UGT1A5: variants seen among roughly 807,000 people sequenced by gnomAD.
The protein encoded by UGT1A5 is UDP glucuronosyltransferase family 1 member A5.
A neutral mutation model predicts 40.3 loss-of-function variants in UGT1A5; 29 were observed. The observed-to-expected ratio is 0.72, with a 90% CI of 0.54 to 0.98. The LOEUF (loss-of-function observed/expected upper bound fraction) is 0.98. UGT1A5 is among the 50% of genes least tolerant of loss of function. The pLI is 0.00. For missense variants in UGT1A5, 678 were observed against 677.9 expected (o/e 1.00, Z 0.00); for synonymous variants, 257 against 262.5 (o/e 0.98, Z 0.20).
Position 233,743,419 on chromosome 2 carries a change from G to A in UGT1A5, c.868-23615G>A, listed in dbSNP as rs577178509. The A allele has an allele frequency of 1.8e-5, 24 of 1,337,466 alleles. No individual in the cohort carries two copies. In the East Asian group the frequency reaches 1.2e-3, roughly 65 times the overall value. The allele number at this position is 1,337,466 out of a possible 1,614,324, so 82.8% of individuals were successfully genotyped here. On this transcript the variant is annotated intron_variant, in intron 1 of 4. Transcript: ENST00000373414. ...GGAAGAAAGGCCCCCACTTCCCAGG[G>A]AGCCAAAGGAACGAAATCCTGTATC... is the stretch of plus-strand genomic sequence containing the variant.
At chr2:233,771,815 C>T in intron 4 of UGT1A5, among the ~76,000 whole-genome samples, 1 of 135,588 alleles carries the variant, frequency 7.4e-6, no homozygotes, top group Admixed American at 7.6e-5. Flanking sequence ...TTCCTCCTTT[C>T]CTTGCTTCCT....
At chr2:233,714,230 T>C (rs2076374680) in intron 1 of UGT1A5, among the ~76,000 whole-genome samples, 1 of 152,196 alleles carries the variant, frequency 6.6e-6, no homozygotes, top group Non-Finnish European at 1.5e-5. Context: ...GGCAAGATTT[T>C]CAGTAGAAAG....
chr2:233,760,254 G>C (rs1697373006), intron 1 of UGT1A5: 2 of 1,610,464 alleles, frequency 1.2e-6, no homozygotes, highest in South Asian at 2.2e-5. Flanking sequence ...ATATAAGTAG[G>C]AGAGGGCGAA....
intron 1 of UGT1A5, among the ~76,000 whole-genome samples, chr2:233,733,657 G>A (rs1194673085): frequency 2.0e-5 from 3 of 152,158 alleles, no homozygotes; most frequent in South Asian, 2.1e-4. Context: ...GGATGAAGCC[G>A]ACTTGATCGA....
chr2:233,734,422 T>C (rs1373952853), intron 1 of UGT1A5, among the ~76,000 whole-genome samples: 3 of 152,176 alleles, frequency 2.0e-5, no homozygotes, highest in Non-Finnish European at 4.4e-5. Context: ...TCTTTTCTTC[T>C]TTATTAGTCT....
In UGT1A5 at chr2:233,767,139, G is replaced by C; in HGVS notation, c.973G>C (p.Asp325His). Residue 325 changes from aspartate to histidine, a missense_variant, in exon 2 of 5, where the codon GAT becomes CAT. Asp to His is a moderately conservative substitution (Grantham distance 81). Transcript: ENST00000373414. Reference protein sequence around the residue: ...IPEKKAMAIADALGKIPQTVL... With the variant: ...IPEKKAMAIAHALGKIPQTVL... Reference sequence around the variant, plus strand: ...AGAGAAGAAAGCTATGGCAATTGCTGATGCTTTGGGCAAAATCCCTCAGAC... The same window carrying C: ...AGAGAAGAAAGCTATGGCAATTGCTCATGCTTTGGGCAAAATCCCTCAGAC... 6.2e-7 allele frequency: 1 copy of C among 1,614,104 alleles called. No individual in the cohort carries two copies. The highest frequency in any genetic ancestry group is 1.7e-4 in the Middle Eastern group (1 of 6,060).
rs1228937957 is a variant in UGT1A5 at position 233,725,058 on chromosome 2, G to C, written c.867+11200G>C. Reference sequence around the variant, plus strand: ...CAAAACCAGTCAGGCGTGGCGGCGCGCGCCTGCAATCGCAGGCACTCGGCA... The same window carrying C: ...CAAAACCAGTCAGGCGTGGCGGCGCCCGCCTGCAATCGCAGGCACTCGGCA... On this transcript the variant is annotated intron_variant, in intron 1 of 4. Coordinates refer to ENST00000373414, the MANE Select transcript of UGT1A5 (RefSeq NM_019078.2). Among the ~76,000 whole-genome samples the C allele has an allele frequency of 2.0e-5, 3 of 147,402 alleles. 1 individual carries two copies. The highest frequency in any genetic ancestry group is 5.1e-5 in the African/African-American group (2 of 39,480).
At chr2:233,760,269 T>C (rs1697378310) in intron 1 of UGT1A5, 1 of 1,612,212 alleles carries the variant, frequency 6.2e-7, no homozygotes, top group Admixed American at 1.7e-5. Flanking sequence ...GGCGAACCTC[T>C]GGCAGGAGCA....
rs189112981 is a variant in UGT1A5, at chr2:233,747,187, A to C, written c.868-19847A>C. 2.8e-4 allele frequency: 449 copies of C among 1,603,370 alleles called. 14 individuals carry two copies. The African/African-American group carries it at 5.5e-3, about 19-fold the overall frequency. On this transcript the variant is annotated intron_variant, in intron 1 of 4. Coordinates refer to ENST00000373414, the MANE Select transcript of UGT1A5 (RefSeq NM_019078.2). ...GTAGGAGGCACAGCGTGGGGTGGACAGTCAGCTGTCCGTGTCTTCTGCTGA... is the reference window on the plus strand; with the variant it reads ...GTAGGAGGCACAGCGTGGGGTGGACCGTCAGCTGTCCGTGTCTTCTGCTGA...
At chr2:233,764,352 G>A (rs1698541814) in intron 1 of UGT1A5, among the ~76,000 whole-genome samples, 1 of 152,214 alleles carries the variant, frequency 6.6e-6, no homozygotes, top group Admixed American at 6.5e-5. Context: ...CCTTTATTGA[G>A]CCTCATAGTA....
At chr2:233,719,651 G>A (rs776482882) in intron 1 of UGT1A5, 1 of 1,614,068 alleles carries the variant, frequency 6.2e-7, no homozygotes, top group Non-Finnish European at 8.5e-7. Flanking sequence ...TCTTCATTGG[G>A]GGCATCAACT....
intron 2 of UGT1A5, among the ~76,000 whole-genome samples, chr2:233,767,607 T>A (rs990795456): frequency 1.3e-5 from 2 of 152,144 alleles, no homozygotes; most frequent in African/African-American, 4.8e-5. Flanking sequence ...AGTGAAAAAA[T>A]CCTAAGTGCA....
rs1294675830 is a variant in UGT1A5 at position 233,743,947 on chromosome 2, T to C, written c.868-23087T>C. The C allele has an allele frequency of 8.9e-6, 12 of 1,348,380 alleles. No individual in the cohort carries two copies. In the Admixed American group the frequency reaches 2.3e-4, roughly 26 times the overall value. The allele number at this position is 1,348,380 out of a possible 1,614,324, so 83.5% of individuals were successfully genotyped here. A position where few individuals can be genotyped will look rare whatever the true frequency, so the allele number is the denominator to read the frequency against. Reference sequence around the variant, plus strand: ...ATGGCCAGAACGGCCCACCAGGCACTGGCACAGCGAGCGGCAAGGCTGCCA... The same window carrying C: ...ATGGCCAGAACGGCCCACCAGGCACCGGCACAGCGAGCGGCAAGGCTGCCA... On this transcript the variant is annotated intron_variant, in intron 1 of 4. Coordinates refer to ENST00000373414, the MANE Select transcript of UGT1A5 (RefSeq NM_019078.2).
At chr2:233,765,423 G>T (rs181881481) in intron 1 of UGT1A5, among the ~76,000 whole-genome samples, 1 of 152,168 alleles carries the variant, frequency 6.6e-6, no homozygotes, top group South Asian at 2.1e-4. Context: ...ATACTATGCA[G>T]CCATAACAAG....
At chr2:233,747,496 G>A in intron 1 of UGT1A5, 1 of 1,608,732 alleles carries the variant, frequency 6.2e-7, no homozygotes, top group Non-Finnish European at 8.5e-7. Context: ...CTTGTGCTGG[G>A]CCACACTCAA....
chr2:233,727,434 G>A (rs2077616452), intron 1 of UGT1A5, among the ~76,000 whole-genome samples: 1 of 152,122 alleles, frequency 6.6e-6, no homozygotes, highest in African/African-American at 2.4e-5. Context: ...TCCCAGACAT[G>A]TGACAAGAAA....
chr2:233,742,421 C>T (rs114948883), intron 1 of UGT1A5, among the ~76,000 whole-genome samples: 5,160 of 152,060 alleles, frequency 0.034, 167 homozygotes, highest in African/African-American at 0.052. Context: ...ACACCTTAAG[C>T]GGTTTTCCTC....
chr2:233,747,611 T>C (rs529621956), intron 1 of UGT1A5: 1 of 1,574,810 alleles, frequency 6.3e-7, no homozygotes, highest in African/African-American at 1.4e-5. Flanking sequence ...AGCTACTGCA[T>C]AATGAGGCCC....
chr2:233,730,746 G>A (rs1030553021), intron 1 of UGT1A5, among the ~76,000 whole-genome samples: 3 of 152,110 alleles, frequency 2.0e-5, no homozygotes, highest in Non-Finnish European at 2.9e-5. Context: ...GGCTAGGGAG[G>A]AGATAAGACT....
Sources: gnomAD v4.1 joint callset for allele counts (sites outside exome capture counted in the v4.1 genomes callset) on GRCh38, gnomAD v4.1.1 for gene constraint, MANE v1.5 for transcripts, NCBI Gene and HGNC (gene_info 2026-07-23, HGNC 2026-07-21) for gene names.